The following ALX4 variants were observed in gnomAD, a reference collection of about 807,000 sequenced individuals.
ALX4 encodes the protein ALX homeobox 4, also known as homeobox protein aristaless-like 4.
A neutral mutation model predicts 40.6 loss-of-function variants in ALX4; 22 were observed. The observed-to-expected ratio is 0.54, with a 90% CI of 0.39 to 0.77. The LOEUF (loss-of-function observed/expected upper bound fraction) is 0.77, where lower values mean the gene tolerates loss of function less well. Ranked by LOEUF, ALX4 falls within the 30% of genes least tolerant of loss-of-function variation. The probability of loss-of-function intolerance (pLI) is 0.00; values close to 1 mark genes in which losing one functional copy is unlikely to be tolerated. For missense variants in ALX4, 556 were observed against 564.8 expected (o/e 0.98, Z 0.16); for synonymous variants, 266 against 240.5 (o/e 1.11, Z -0.98).
rs368986164 is a variant in ALX4 at position 44,264,805 on chromosome 11, G to A, written c.*49C>T. The stretch of plus-strand genomic sequence containing the variant: ...GGGAGGCTGGGGGCCTGGAAAACAT[G>A]GGCGTGGCCCATGGTGTCCCGAGGT... On this transcript the variant is annotated 3_prime_UTR_variant, in exon 4 of 4. Coordinates refer to ENST00000652299, the MANE Select transcript of ALX4 (RefSeq NM_021926.4). 1.3e-6 allele frequency: 2 copies of A among 1,597,832 alleles called. No individual in the cohort carries two copies. Among genetic ancestry groups the A allele is most frequent in the Middle Eastern group, 2.0e-4 (1 of 5,078 alleles).
At chr11:44,275,789 G>A in intron 1 of ALX4, 131 bp from the exon 2 acceptor site, 1 of 859,716 alleles carries the variant, frequency 1.2e-6, no homozygotes, top group East Asian at 2.7e-5. Context: ...TTGGATGCGA[G>A]GTCCGGAGAC....
At position 44,309,770 on chromosome 11, in the gene ALX4, T is replaced by C. The variant is rs1048397060; in HGVS notation, c.293A>G (p.Gln98Arg). Residue 98 changes from glutamine (Q) to arginine (R), a missense_variant, in exon 1 of 4, where the codon CAG becomes CGG. Transcript: ENST00000652299. Reference sequence around the variant, plus strand: ...CTGCGGCTGCGGCGGCGGCTGGGGCTGCGGGGTCGACGGCTGGGGCTGGAA... The same window carrying C: ...CTGCGGCTGCGGCGGCGGCTGGGGCCGCGGGGTCGACGGCTGGGGCTGGAA... ...NKFQPQPSTP[Q>R]PQPPPQPQPQ... The C allele has an allele frequency of 6.5e-7, 1 of 1,546,064 alleles. No homozygotes were observed. The highest frequency in any genetic ancestry group is 1.4e-5 in the African/African-American group (1 of 72,858).
chr11:44,309,247 G>T (rs1370629004), intron 1 of ALX4, among the ~76,000 whole-genome samples: 2 of 98,396 alleles, frequency 2.0e-5, no homozygotes, highest in African/African-American at 6.5e-5. Context: ...AGCGCTGCGC[G>T]GAGACTCCTT....
At chr11:44,279,255 G>T (rs1005728234) in intron 1 of ALX4, among the ~76,000 whole-genome samples, 1 of 152,214 alleles carries the variant, frequency 6.6e-6, no homozygotes, top group East Asian at 1.9e-4. Context: ...ACCCCCCAGC[G>T]CCCTTCCCCA....
intron 1 of ALX4, among the ~76,000 whole-genome samples, chr11:44,292,469 C>T (rs1336367973): frequency 6.6e-6 from 1 of 150,938 alleles, no homozygotes; most frequent in Non-Finnish European, 1.5e-5. Context: ...ATTGTCTCAC[C>T]TCAGCCTCCC....
intron 1 of ALX4, among the ~76,000 whole-genome samples, chr11:44,279,713 A>T (rs774130873): frequency 6.6e-6 from 1 of 151,986 alleles, no homozygotes; most frequent in Non-Finnish European, 1.5e-5. Context: ...GCCCTCCCAG[A>T]TTGTGACTGT....
intron 1 of ALX4, among the ~76,000 whole-genome samples, chr11:44,284,912 T>TACACATACACACACAC (rs1956329744): frequency 1.3e-5 from 2 of 151,412 alleles, no homozygotes; most frequent in African/African-American, 4.9e-5. Context: ...CTCACACACA[T>TACACATACACACACAC]ACACATACAC....
rs1166163988 is a variant in ALX4 at position 44,263,172 on chromosome 11, C to T, written c.*1682G>A. On this transcript the variant is annotated 3_prime_UTR_variant, in exon 4 of 4. Transcript: ENST00000652299. The stretch of plus-strand genomic sequence containing the variant: ...TTACCCTCCGCCCAACCCAGGAGGC[C>T]TTTCTGTGTCCACGACCCTGAGCAT... 1 of 152,282 alleles carries T rather than the reference C, an allele frequency of 6.6e-6. No individual in the cohort carries two copies. Among genetic ancestry groups the T allele is most frequent in the Non-Finnish European group, 1.5e-5 (1 of 68,098 alleles). The allele number at this position is 152,282 out of a possible 1,614,324, so 9.4% of individuals were successfully genotyped here.
intron 1 of ALX4, among the ~76,000 whole-genome samples, chr11:44,302,438 AG>A (rs1956440045): frequency 6.6e-6 from 1 of 152,206 alleles, no homozygotes; most frequent in African/African-American, 2.4e-5. Context: ...AGGAGACACC[AG>A]TTCTTCATTC....
At chr11:44,295,725 C>T (rs1956399026) in intron 1 of ALX4, among the ~76,000 whole-genome samples, 1 of 152,228 alleles carries the variant, frequency 6.6e-6, no homozygotes, top group Non-Finnish European at 1.5e-5. Context: ...CCTCCAAGCT[C>T]CGCTGGAAGG....
intron 1 of ALX4, among the ~76,000 whole-genome samples, chr11:44,296,501 T>C (rs1191037038): frequency 6.6e-6 from 1 of 152,194 alleles, no homozygotes; most frequent in Non-Finnish European, 1.5e-5. Context: ...CAAAGGACAG[T>C]ATCCAGGGAG....
intron 2 of ALX4, 94 bp from the exon 3 acceptor site, chr11:44,267,716 A>C: frequency 6.3e-7 from 1 of 1,576,204 alleles, no homozygotes; most frequent in Non-Finnish European, 8.7e-7. Flanking sequence ...TGAGCCCCCC[A>C]TCAGTTGCAG....
intron 2 of ALX4, among the ~76,000 whole-genome samples, chr11:44,271,715 C>T (rs986287047): frequency 3.3e-5 from 5 of 152,216 alleles, no homozygotes; most frequent in South Asian, 2.1e-4. Flanking sequence ...TGTGTGCGCG[C>T]GCATGTGTGT....
rs1425639557 is a variant in ALX4 at position 44,293,144 on chromosome 11, GAAGGAAGGAAGGAAGGAAGGAAGGAAGC to G, written c.466+16425_466+16452del. The stretch of plus-strand genomic sequence containing the variant: ...GGAAGGAAGGAAGGAAGGAAGGAAG[GAAGGAAGGAAGGAAGGAAGGAAGGAAGC>G]AGGCAGGCAGGGAGGGAGGGAGGGA... On this transcript the variant is annotated intron_variant, in intron 1 of 3. Coordinates refer to ENST00000652299, the MANE Select transcript of ALX4 (RefSeq NM_021926.4). Among the ~76,000 whole-genome samples the G allele has an allele frequency of 7.7e-3, 584 of 75,514 alleles. 19 individuals carry two copies. The highest frequency in any genetic ancestry group is 0.011 in the Non-Finnish European group (388 of 36,108). 49.5% of individuals were successfully genotyped at this position (75,514 alleles called of 152,430 possible). A position where few individuals can be genotyped will look rare whatever the true frequency, so the allele number is the denominator to read the frequency against.
intron 1 of ALX4, among the ~76,000 whole-genome samples, chr11:44,288,776 A>G (rs1444929924): frequency 6.6e-6 from 1 of 152,234 alleles, no homozygotes; most frequent in East Asian, 1.9e-4. Context: ...AAAGTTTAAA[A>G]AGTACTTTAA....
intron 1 of ALX4, among the ~76,000 whole-genome samples, chr11:44,280,839 C>G (rs1956305660): frequency 6.6e-6 from 1 of 152,242 alleles, no homozygotes; most frequent in Non-Finnish European, 1.5e-5. Flanking sequence ...AGGTTGTATT[C>G]TCAATCGGGA....
intron 2 of ALX4, among the ~76,000 whole-genome samples, chr11:44,270,901 G>A (rs953959675): frequency 2.0e-5 from 3 of 152,210 alleles, no homozygotes; most frequent in African/African-American, 7.2e-5. Context: ...CCAGGGCGGG[G>A]AGGCCTCTGT....
chr11:44,272,674 T>C (rs556595202), intron 2 of ALX4, among the ~76,000 whole-genome samples: 1 of 151,728 alleles, frequency 6.6e-6, no homozygotes, highest in South Asian at 2.1e-4. Context: ...CTGGGTGTAG[T>C]GGTGCATGCC....
chr11:44,294,245 C>G (rs1956390085), intron 1 of ALX4, among the ~76,000 whole-genome samples: 1 of 152,082 alleles, frequency 6.6e-6, no homozygotes, highest in Non-Finnish European at 1.5e-5. Flanking sequence ...CAGGTGTGGC[C>G]AAGGGCAATG....
Sources: allele counts gnomAD v4.1 joint callset (sites outside exome capture counted in the v4.1 genomes callset), GRCh38; gene constraint gnomAD v4.1.1; transcripts MANE v1.5; gene names NCBI Gene and HGNC (gene_info 2026-07-23, HGNC 2026-07-21).